The following APCDD1 variants were observed in gnomAD, a reference collection of about 807,000 sequenced individuals.
APCDD1 encodes the protein protein APCDD1.
APCDD1 carries 15 observed loss-of-function variants against 38.1 expected under a neutral mutation model. That is an observed-to-expected ratio of 0.39 (90% CI 0.26 to 0.61). APCDD1 has a LOEUF of 0.61. Among genes scored for constraint, APCDD1 ranks in the 20% least tolerant of loss-of-function variants. The probability of loss-of-function intolerance (pLI) is 0.49; values close to 1 mark genes in which losing one functional copy is unlikely to be tolerated. For synonymous variants in APCDD1, 261 were observed against 279.7 expected, an observed-to-expected ratio of 0.93 and a Z score of 0.67; for missense variants, 647 against 696.2, an observed-to-expected ratio of 0.93 and a Z score of 0.79.
rs1431466068 is a variant in APCDD1, at chr18:10,489,883, A to G, written c.*1845A>G. The G allele has an allele frequency of 6.6e-6, 1 of 152,188 alleles. No individual in the cohort carries two copies. The highest frequency in any genetic ancestry group is 2.4e-5 in the African/African-American group (1 of 41,428). 9.4% of individuals were successfully genotyped at this position (152,188 alleles called of 1,614,324 possible). A position where few individuals can be genotyped will look rare whatever the true frequency, so the allele number is the denominator to read the frequency against. ...CCAAGTTCAATAAACAAAGATGTCA[A>G]AATACTCTCAGAAATACAACTGATA... On this transcript the variant is annotated 3_prime_UTR_variant, in exon 5 of 5. Coordinates refer to ENST00000355285, the MANE Select transcript of APCDD1 (RefSeq NM_153000.5).
chr18:10,461,581 A>G (rs2030542374), intron 1 of APCDD1, among the ~76,000 whole-genome samples: 1 of 152,222 alleles, frequency 6.6e-6, no homozygotes. Flanking sequence ...ATGAGATGAT[A>G]TATACATAAA....
intron 3 of APCDD1, among the ~76,000 whole-genome samples, chr18:10,482,053 C>A (rs1261063455): frequency 6.6e-6 from 1 of 152,160 alleles, no homozygotes; most frequent in Non-Finnish European, 1.5e-5. Context: ...CTCCCCCGAG[C>A]CTTTGCCTTG....
At position 10,468,424 on chromosome 18, in the gene APCDD1, G is replaced by T. The variant is rs368936130; in HGVS notation, c.59-45G>T. 3.7e-5 allele frequency: 60 copies of T among 1,606,646 alleles called. No individual in the cohort carries two copies. In the East Asian group the frequency reaches 1.2e-3, roughly 33 times the overall value. The stretch of plus-strand genomic sequence containing the variant: ...TGGTTGTTTGGCCTGATTCATGTCT[G>T]CTGCTACTTCTTCTTTTGGCTAACT... On this transcript the variant is annotated intron_variant, in intron 1 of 4. Transcript: ENST00000355285.
Position 10,488,309 on chromosome 18 carries a change from G to C in APCDD1, c.*271G>C. The C allele has an allele frequency of 2.3e-6, 1 of 431,208 alleles. No individual in the cohort carries two copies. Among genetic ancestry groups the C allele is most frequent in the Non-Finnish European group, 4.1e-6 (1 of 243,878 alleles). 26.7% of individuals were successfully genotyped at this position (431,208 alleles called of 1,614,324 possible). The stretch of plus-strand genomic sequence containing the variant: ...AGACAGCCTAGAGTTCTGGACGAGC[G>C]TGTTTGGTAGCAGGGATGAAAGCTA... On this transcript the variant is annotated 3_prime_UTR_variant, in exon 5 of 5. Coordinates refer to ENST00000355285, the MANE Select transcript of APCDD1 (RefSeq NM_153000.5).
chr18:10,461,988 T>C (rs2030554775), intron 1 of APCDD1, among the ~76,000 whole-genome samples: 1 of 152,196 alleles, frequency 6.6e-6, no homozygotes, highest in Non-Finnish European at 1.5e-5. Context: ...TACCTTTCTA[T>C]CCACAGCCCC....
intron 3 of APCDD1, among the ~76,000 whole-genome samples, chr18:10,478,289 A>G (rs188257732): frequency 6.6e-6 from 1 of 152,344 alleles, no homozygotes; most frequent in East Asian, 1.9e-4. Context: ...CTGGCACCAC[A>G]GAGGTGCCTG....
intron 3 of APCDD1, among the ~76,000 whole-genome samples, chr18:10,479,029 C>T (rs2031073708): frequency 6.6e-6 from 1 of 152,168 alleles, no homozygotes; most frequent in African/African-American, 2.4e-5. Context: ...CAACTCTCTC[C>T]TGGATGTCAT....
intron 1 of APCDD1, among the ~76,000 whole-genome samples, chr18:10,458,421 A>G (rs552454050): frequency 1.1e-4 from 16 of 152,310 alleles, no homozygotes; most frequent in Admixed American, 2.0e-4. Flanking sequence ...TTGAAAAACT[A>G]TTTTACTAAG....
chr18:10,459,936 A>G (rs991569059), intron 1 of APCDD1, among the ~76,000 whole-genome samples: 3 of 152,250 alleles, frequency 2.0e-5, no homozygotes, highest in Admixed American at 2.0e-4. Flanking sequence ...CAAAATGAAC[A>G]GAAAAGAATC....
Position 10,454,998 on chromosome 18 carries a change from G to A in APCDD1, c.17G>A (p.Arg6His), listed in dbSNP as rs867308094. ...GGACTGGAAATGTCCTGGCCGCGCC[G>A]CCTCCTGCTCAGATACCTGTTCCCG... MSWPR[R>H]LLLRYLFPAL... The change falls in exon 1 of 5, where the codon CGC becomes CAC. Residue 6 changes from arginine to histidine, a missense_variant. Physicochemically the swap from Arg to His is conservative, Grantham distance 29 (BLOSUM62 0). Coordinates refer to ENST00000355285, the MANE Select transcript of APCDD1 (RefSeq NM_153000.5). The A allele has an allele frequency of 6.4e-7, 1 of 1,558,208 alleles. No homozygotes were observed. Among genetic ancestry groups the A allele is most frequent in the South Asian group, 1.2e-5 (1 of 84,392 alleles).
intron 1 of APCDD1, among the ~76,000 whole-genome samples, chr18:10,459,130 A>G (rs930540862): frequency 1.3e-5 from 2 of 152,210 alleles, no homozygotes; most frequent in South Asian, 2.1e-4. Flanking sequence ...AGGGCCTACT[A>G]TGTGCCAAGT....
intron 1 of APCDD1, among the ~76,000 whole-genome samples, chr18:10,466,434 C>T (rs1382446607): frequency 6.6e-6 from 1 of 152,086 alleles, no homozygotes; most frequent in Non-Finnish European, 1.5e-5. Context: ...GCTCATAGTT[C>T]CCCCCGAATG....
chr18:10,485,783 G>A lies in APCDD1; in HGVS notation c.1096G>A (p.Val366Met). ...VMGGTEFVFK[V>M]NHMKVTPMDA... ...GGGAGGCACCGAGTTCGTGTTCAAA[G>A]GTAGGATTCCCATCTCAAGTCCCAG... The change falls in exon 4 of 5, where the codon GTG becomes ATG. Residue 366 changes from valine (V) to methionine (M), a missense_variant and splice_region_variant. Coordinates refer to ENST00000355285, the MANE Select transcript of APCDD1 (RefSeq NM_153000.5). This position sits in a 1 kb window ranked among gnomAD's most constrained non-coding sequence, Gnocchi z 5.8. 6.2e-7 allele frequency: 1 copy of A among 1,612,124 alleles called. No homozygotes were observed. Among genetic ancestry groups the A allele is most frequent in the Non-Finnish European group, 8.5e-7 (1 of 1,179,992 alleles).
Position 10,487,821 on chromosome 18 carries a change from C to T in APCDD1, c.1328C>T (p.Pro443Leu). 6.2e-7 allele frequency: 1 copy of T among 1,614,026 alleles called. No individual in the cohort carries two copies. Among genetic ancestry groups the T allele is most frequent in the Non-Finnish European group, 8.5e-7 (1 of 1,180,020 alleles). The change falls in exon 5 of 5, where the codon CCC (proline) becomes CTC (leucine). Residue 443 changes from proline to leucine, a missense_variant. Transcript: ENST00000355285. ...TATCTGCTGTTCAACGGTCAGAGGC[C>T]CAGCGACGGGTCCAGCCCAGACAGG... ...GRYLLFNGQRPSDGSSPDRPE... is the reference protein window; with the variant it reads ...GRYLLFNGQRLSDGSSPDRPE...
chr18:10,482,971 T>C (rs527503093), intron 3 of APCDD1, among the ~76,000 whole-genome samples: 1 of 152,318 alleles, frequency 6.6e-6, no homozygotes, highest in East Asian at 1.9e-4. Context: ...ACATAGGGTG[T>C]CAGAAAGGCC....
intron 3 of APCDD1, among the ~76,000 whole-genome samples, chr18:10,481,585 TGAA>T (rs2031138415): frequency 1.3e-5 from 2 of 151,520 alleles, no homozygotes; most frequent in Non-Finnish European, 2.9e-5. Context: ...CTGGGGAAGA[TGAA>T]GAGGTTCCAG....
At position 10,475,793 on chromosome 18, in the gene APCDD1, AGGG is replaced by A. The variant is rs58043724; in HGVS notation, c.774+3742_774+3744del. 3.1e-5 allele frequency: 3 copies of A among 95,502 alleles called. No homozygotes were observed. The highest frequency in any genetic ancestry group is 8.1e-5 in the African/African-American group (2 of 24,772). 5.9% of individuals were successfully genotyped at this position (95,502 alleles called of 1,614,324 possible). On this transcript the variant is annotated intron_variant, in intron 3 of 4. Coordinates refer to ENST00000355285, the MANE Select transcript of APCDD1 (RefSeq NM_153000.5). This position sits in a 1 kb window ranked among gnomAD's most constrained non-coding sequence, Gnocchi z 4.0. ...GCCTAGCTGCCTCGCAAGATGGCTG[AGGG>A]GGGGGGGGGTCAGTGGAAGGCCGAG... is the stretch of plus-strand genomic sequence containing the variant.
intron 1 of APCDD1, among the ~76,000 whole-genome samples, chr18:10,456,652 C>T (rs748005927): frequency 3.9e-5 from 6 of 152,076 alleles, no homozygotes; most frequent in Non-Finnish European, 8.8e-5. Context: ...ACATGTTCTC[C>T]CTATTTTGAG....
rs2031329338 is a variant in APCDD1, at chr18:10,489,701, A to G, written c.*1663A>G. The G allele has an allele frequency of 6.8e-6, 1 of 146,478 alleles. No homozygotes were observed. 9.1% of individuals were successfully genotyped at this position (146,478 alleles called of 1,614,324 possible). Reference sequence around the variant, plus strand: ...GCAACAGAGCGAGACTCCATCTCAAAAAAAAAAAAAAGTAACTTTATGAAA... The same window carrying G: ...GCAACAGAGCGAGACTCCATCTCAAGAAAAAAAAAAAGTAACTTTATGAAA... On this transcript the variant is annotated 3_prime_UTR_variant, in exon 5 of 5. Transcript: ENST00000355285.
Sources: allele counts gnomAD v4.1 joint callset (sites outside exome capture counted in the v4.1 genomes callset), GRCh38; gene constraint gnomAD v4.1.1; non-coding constraint Gnocchi (gnomAD v3.1); transcripts MANE v1.5; gene names NCBI Gene and HGNC (gene_info 2026-07-23, HGNC 2026-07-21).